C8orf34: variants seen among roughly 807,000 people sequenced by gnomAD.
C8orf34 encodes the protein chromosome 8 open reading frame 34.
C8orf34 carries 65 observed loss-of-function variants against 68.3 expected under a neutral mutation model. That is an observed-to-expected ratio of 0.95 (90% CI 0.78 to 1.17). The LOEUF is 1.17. Ranked by LOEUF, C8orf34 falls within the 50% of genes most tolerant of loss-of-function variation. The pLI, the probability that C8orf34 is intolerant of heterozygous loss-of-function variation, is 0.00. For synonymous variants in C8orf34, 244 were observed against 241.2 expected (o/e 1.01, Z -0.11); for missense variants, 664 against 655.4 (o/e 1.01, Z -0.14).
intron 7 of C8orf34, among the ~76,000 whole-genome samples, chr8:68,621,422 A>T (rs116662793): frequency 0.012 from 1,813 of 152,350 alleles, 29 homozygotes; most frequent in African/African-American, 0.04. Flanking sequence ...TCAATACAAC[A>T]TAGCTGTAAT....
chr8:68,731,163 C>T lies in C8orf34; in HGVS notation c.1404+9726C>T, dbSNP rs16934971. On this transcript the variant is annotated intron_variant, in intron 10 of 13. Coordinates refer to ENST00000518698, the MANE Select transcript of C8orf34 (RefSeq NM_052958.4). ...ATTACCCACAAGGGCATTTCCTTTA[C>T]ATGTTCCTCTCCTTCTTCAGCTACG... 8.1e-3 allele frequency among the ~76,000 whole-genome samples: 1,239 copies of T among 152,224 alleles called. 20 individuals are homozygous for T. The highest frequency in any genetic ancestry group is 0.029 in the African/African-American group (1,184 of 41,542).
intron 8 of C8orf34, among the ~76,000 whole-genome samples, chr8:68,649,196 C>G (rs1819270530): frequency 6.6e-6 from 1 of 152,090 alleles, no homozygotes; most frequent in Admixed American, 6.5e-5. Context: ...GTAAAAGATT[C>G]CATTTGAGTC....
intron 8 of C8orf34, among the ~76,000 whole-genome samples, chr8:68,657,336 G>T (rs1819537878): frequency 6.6e-6 from 1 of 152,080 alleles, no homozygotes; most frequent in Admixed American, 6.6e-5. Flanking sequence ...AGGTCATAAG[G>T]GTGGAGCTCT....
intron 8 of C8orf34, among the ~76,000 whole-genome samples, chr8:68,650,386 C>T (rs373998698): frequency 6.6e-6 from 1 of 151,118 alleles, no homozygotes; most frequent in East Asian, 2.0e-4. Flanking sequence ...TTTGAGGGGG[C>T]GGTGTCTGAT....
chr8:68,466,457 A>G (rs1812139838), intron 3 of C8orf34, among the ~76,000 whole-genome samples: 1 of 152,016 alleles, frequency 6.6e-6, no homozygotes, highest in South Asian at 2.1e-4. Flanking sequence ...CAGTGACTTG[A>G]TCACTACGTG....
At chr8:68,690,092 C>G (rs930357737) in intron 8 of C8orf34, among the ~76,000 whole-genome samples, 1 of 151,880 alleles carries the variant, frequency 6.6e-6, no homozygotes, top group Admixed American at 6.6e-5. Context: ...TGGGGTCAGG[C>G]CTGTTATAAG....
At chr8:68,548,167 T>C (rs1158491583) in intron 7 of C8orf34, among the ~76,000 whole-genome samples, 1 of 151,446 alleles carries the variant, frequency 6.6e-6, no homozygotes, top group Non-Finnish European at 1.5e-5. Context: ...TCACTAAAGA[T>C]GAAAGAAAAA....
intron 8 of C8orf34, among the ~76,000 whole-genome samples, chr8:68,685,922 A>G (rs1820503852): frequency 1.4e-5 from 2 of 140,786 alleles, no homozygotes; most frequent in Non-Finnish European, 1.6e-5. Context: ...AAATAAATAA[A>G]TGCTGATCAA....
At chr8:68,359,126 G>A (rs1806875167) in intron 1 of C8orf34, among the ~76,000 whole-genome samples, 2 of 152,302 alleles carry the variant, frequency 1.3e-5, no homozygotes, top group East Asian at 3.9e-4. Context: ...CATTAAAAAT[G>A]TGGAAAGACA....
At chr8:68,368,784 A>T (rs189225977) in intron 1 of C8orf34, among the ~76,000 whole-genome samples, 1 of 152,192 alleles carries the variant, frequency 6.6e-6, no homozygotes, top group African/African-American at 2.4e-5. Flanking sequence ...TAAATGTTAA[A>T]CCAACTTTGC....
chr8:68,402,625 A>C (rs1481630301), intron 1 of C8orf34, among the ~76,000 whole-genome samples: 1 of 152,100 alleles, frequency 6.6e-6, no homozygotes. Context: ...TTTGTTTCAA[A>C]ATTTTAAACA....
rs943141885 is a variant in C8orf34 at position 68,574,563 on chromosome 8, G to T, written c.1105+41414G>T. Among the ~76,000 whole-genome samples, 8 of 152,108 alleles carry T rather than the reference G, an allele frequency of 5.3e-5. No homozygotes were observed. In the South Asian group the frequency reaches 1.5e-3, roughly 28 times the overall value. ...TGCAGAATAGACAATACTTCTTATAGATTATATAGAATTAGTTAAGCATTA... is the reference window on the plus strand; with the variant it reads ...TGCAGAATAGACAATACTTCTTATATATTATATAGAATTAGTTAAGCATTA... On this transcript the variant is annotated intron_variant, in intron 7 of 13. Coordinates refer to ENST00000518698, the MANE Select transcript of C8orf34 (RefSeq NM_052958.4).
Position 68,488,045 on chromosome 8 carries a change from C to G in C8orf34, c.759C>G (p.Leu253=). The change falls in exon 5 of 14, where the codon CTC becomes CTG. Residue 253 remains leucine, a synonymous_variant. Coordinates refer to ENST00000518698, the MANE Select transcript of C8orf34 (RefSeq NM_052958.4). ...CAGGTATTGCAATTTCAGATGAACT[C>G]GATAAGGTAAGTTGAACTATACATC... ...LSRSIAISDE[L]DKETVTFNSS... The G allele has an allele frequency of 6.3e-7, 1 of 1,588,416 alleles. No individual in the cohort carries two copies. The highest frequency in any genetic ancestry group is 8.6e-7 in the Non-Finnish European group (1 of 1,167,036).
intron 9 of C8orf34, among the ~76,000 whole-genome samples, chr8:68,717,071 T>C (rs1437678459): frequency 2.0e-5 from 3 of 152,034 alleles, no homozygotes; most frequent in Admixed American, 6.5e-5. Flanking sequence ...ACTCCCACCG[T>C]GGCTGATTTC....
chr8:68,749,133 A>G lies in C8orf34; in HGVS notation c.1405-27266A>G, dbSNP rs553249996. On this transcript the variant is annotated intron_variant, in intron 10 of 13. Coordinates refer to ENST00000518698, the MANE Select transcript of C8orf34 (RefSeq NM_052958.4). ...ATCATCATTCTCAGTAAACTATCGC[A>G]AGAACAAAAAACCAAACACCGCATA... Among the ~76,000 whole-genome samples the G allele has an allele frequency of 2.2e-4, 34 of 152,042 alleles. 1 individual carries two copies. The South Asian group carries it at 6.2e-3, about 28-fold the overall frequency.
At position 68,463,263 on chromosome 8, in the gene C8orf34, G is replaced by T. The variant is rs1368996147; in HGVS notation, c.608-5429G>T. Among the ~76,000 whole-genome samples the T allele has an allele frequency of 2.0e-5, 3 of 152,108 alleles. No individual in the cohort carries two copies. The East Asian group carries it at 5.8e-4, about 29-fold the overall frequency. On this transcript the variant is annotated intron_variant, in intron 3 of 13. Transcript: ENST00000518698. ...CAGGAAGAAGTTGAATCTCTGAATA[G>T]ACCAATAACAGGCTCTGAAATTGTG...
At chr8:68,441,455 TCTC>T (rs147785555) in intron 2 of C8orf34, among the ~76,000 whole-genome samples, 12 of 152,184 alleles carry the variant, frequency 7.9e-5, no homozygotes, top group Non-Finnish European at 1.0e-4. Flanking sequence ...CTCTTCTTAT[TCTC>T]CTCCTCCTCC....
At chr8:68,796,492 G>T (rs1481929965) in intron 12 of C8orf34, among the ~76,000 whole-genome samples, 2 of 136,524 alleles carry the variant, frequency 1.5e-5, no homozygotes, top group Non-Finnish European at 3.1e-5. Context: ...TTCATGAGAA[G>T]CTATTAAAAA....
At chr8:68,744,348 C>A (rs1414455617) in intron 10 of C8orf34, among the ~76,000 whole-genome samples, 2 of 152,226 alleles carry the variant, frequency 1.3e-5, no homozygotes, top group Non-Finnish European at 2.9e-5. Context: ...CAAAGGAATG[C>A]AGTTTCTCAC....
Sources: allele counts gnomAD v4.1 joint callset (sites outside exome capture counted in the v4.1 genomes callset), GRCh38; gene constraint gnomAD v4.1.1; transcripts MANE v1.5; gene names NCBI Gene and HGNC (gene_info 2026-07-23, HGNC 2026-07-21).